STON1: variants seen among roughly 807,000 people sequenced by gnomAD.
STON1 encodes stonin 1, also known as stonin-1.
In STON1, 79 loss-of-function variants were observed where a neutral mutation model predicts 60.9. The ratio of observed to expected loss-of-function variants is 1.30; its 90% CI spans 1.08 to 1.56. STON1 has a LOEUF of 1.56. Ranked by LOEUF, STON1 falls within the 40% of genes most tolerant of loss-of-function variation. STON1 has a pLI of 0.00. For synonymous variants in STON1, 363 were observed against 306.9 expected (o/e 1.18, Z -1.91); for missense variants, 1,166 against 858.9 (o/e 1.36, Z -4.47).
chr2:48,592,144 A>G (rs979889498), intron 3 of STON1, among the ~76,000 whole-genome samples: 2 of 152,172 alleles, frequency 1.3e-5, no homozygotes, highest in Admixed American at 6.6e-5. Flanking sequence ...TGATGTTAGG[A>G]CACCATTTCT....
chr2:48,580,021 C>T (rs1673779308), intron 1 of STON1, among the ~76,000 whole-genome samples: 1 of 152,168 alleles, frequency 6.6e-6, no homozygotes, highest in Admixed American at 6.5e-5. Flanking sequence ...ATTCTCCTGA[C>T]TCAGCTACCT....
chr2:48,572,659 A>C (rs950606667), intron 1 of STON1, among the ~76,000 whole-genome samples: 1 of 152,342 alleles, frequency 6.6e-6, no homozygotes, highest in Admixed American at 6.5e-5. Context: ...TTTGGCATAC[A>C]TCAGAATCGT....
chr2:48,578,045 A>G (rs752624910), intron 1 of STON1, among the ~76,000 whole-genome samples: 2 of 152,190 alleles, frequency 1.3e-5, no homozygotes, highest in African/African-American at 4.8e-5. Context: ...CAGTGACACA[A>G]CCTTGGCTTA....
At chr2:48,570,233 C>A (rs1457265202) in intron 1 of STON1, among the ~76,000 whole-genome samples, 1 of 151,976 alleles carries the variant, frequency 6.6e-6, no homozygotes, top group African/African-American at 2.4e-5. Context: ...TACTCGGGAG[C>A]CTGAGGCAGG....
intron 1 of STON1, among the ~76,000 whole-genome samples, chr2:48,565,043 T>A (rs1672877669): frequency 8.5e-6 from 1 of 117,898 alleles, no homozygotes; most frequent in South Asian, 2.8e-4. Flanking sequence ...CTCCGGCTTC[T>A]TCTTTTTTTT....
At position 48,595,302 on chromosome 2, in the gene STON1, G is replaced by GACT. The variant is rs769886560; in HGVS notation, c.2208_*1insACT. The GACT allele has an allele frequency of 1.9e-6, 3 of 1,612,724 alleles. No homozygotes were observed. The highest frequency in any genetic ancestry group is 1.7e-6 in the Non-Finnish European group (2 of 1,179,032). On this transcript the variant is annotated 3_prime_UTR_variant, in exon 4 of 4. Transcript: ENST00000404752. ...AAATTGGTGACTGCATAACTCAGTA[G>GACT]GAGTAGCAAGAGTTTATGATGACAG...
intron 1 of STON1, among the ~76,000 whole-genome samples, chr2:48,534,411 G>T (rs1026281696): frequency 6.6e-6 from 1 of 152,164 alleles, no homozygotes; most frequent in Non-Finnish European, 1.5e-5. Context: ...ATTCAGGTCG[G>T]TGGCTAAAGT....
intron 2 of STON1, among the ~76,000 whole-genome samples, chr2:48,586,161 G>A (rs1039849238): frequency 1.2e-4 from 18 of 152,332 alleles, no homozygotes; most frequent in Middle Eastern, 3.4e-3. Context: ...GTGCAGACAC[G>A]TATGAAGCTT....
In STON1 at chr2:48,564,480, TTTCTTCTTCTTCTTCTTCTTCTTC is replaced by T. The variant is rs869188236; in HGVS notation, c.-47-16042_-47-16019del. On this transcript the variant is annotated intron_variant, in intron 1 of 3. Coordinates refer to ENST00000404752, the MANE Select transcript of STON1 (RefSeq NM_006873.4). ...CTTCTTCTTCTTCTTCTTCTTCTTC[TTTCTTCTTCTTCTTCTTCTTCTTC>T]TTCTTCTTCTTCTTCTTCTTCTTCT... 1.1e-3 allele frequency among the ~76,000 whole-genome samples: 35 copies of T among 32,470 alleles called. 1 individual carries two copies. The highest frequency in any genetic ancestry group is 1.4e-3 in the Admixed American group (5 of 3,490). 21.3% of individuals were successfully genotyped at this position (32,470 alleles called of 152,430 possible).
chr2:48,532,652 T>G (rs1185393617), intron 1 of STON1, among the ~76,000 whole-genome samples: 3 of 151,784 alleles, frequency 2.0e-5, no homozygotes, highest in Non-Finnish European at 2.9e-5. Flanking sequence ...CACTATCTCA[T>G]GAAATATTGT....
chr2:48,575,651 C>G (rs1673443125), intron 1 of STON1, among the ~76,000 whole-genome samples: 1 of 135,170 alleles, frequency 7.4e-6, no homozygotes, highest in Non-Finnish European at 1.6e-5. Context: ...AAAACTCCGT[C>G]TCAAAAATAA....
intron 1 of STON1, among the ~76,000 whole-genome samples, chr2:48,543,317 C>T (rs754586289): frequency 6.6e-6 from 1 of 151,850 alleles, no homozygotes; most frequent in East Asian, 1.9e-4. Context: ...TTATTTTGGG[C>T]GAATTTCCTG....
intron 1 of STON1, among the ~76,000 whole-genome samples, chr2:48,573,300 C>G (rs1028906712): frequency 1.3e-5 from 2 of 152,064 alleles, no homozygotes; most frequent in African/African-American, 2.4e-5. Flanking sequence ...GAATTTGAGA[C>G]CAGCCTTGGA....
chr2:48,548,143 G>T (rs1183959445), intron 1 of STON1, among the ~76,000 whole-genome samples: 1 of 152,220 alleles, frequency 6.6e-6, no homozygotes, highest in South Asian at 2.1e-4. Flanking sequence ...CCAGGATGTG[G>T]CTTGGCCAGG....
chr2:48,593,339 A>G (rs1674632130), intron 3 of STON1, among the ~76,000 whole-genome samples: 2 of 149,948 alleles, frequency 1.3e-5, no homozygotes, highest in Non-Finnish European at 1.5e-5. Context: ...CTGGTCTCGA[A>G]CTCCTGACCT....
rs1336206445 is a variant in STON1, at chr2:48,570,890, T to C, written c.-47-9697T>C. 2.3e-5 allele frequency among the ~76,000 whole-genome samples: 3 copies of C among 130,594 alleles called. No individual in the cohort carries two copies. The East Asian group carries it at 7.6e-4, about 33-fold the overall frequency. The allele number at this position is 130,594 out of a possible 152,430, so 85.7% of individuals were successfully genotyped here. ...TTTTTTTGTCTTTCCCCAGACAGAG[T>C]CTTGCACTATCCCCCAGGCTGGAGT... On this transcript the variant is annotated intron_variant, in intron 1 of 3. Coordinates refer to ENST00000404752, the MANE Select transcript of STON1 (RefSeq NM_006873.4).
In STON1 at chr2:48,596,781, C is replaced by T. The variant is rs928916852; in HGVS notation, c.*1479C>T. 1 of 152,004 alleles carries T rather than the reference C, an allele frequency of 6.6e-6. No individual in the cohort carries two copies. The highest frequency in any genetic ancestry group is 1.5e-5 in the Non-Finnish European group (1 of 68,002). The allele number at this position is 152,004 out of a possible 1,614,324, so 9.4% of individuals were successfully genotyped here. On this transcript the variant is annotated 3_prime_UTR_variant, in exon 4 of 4. Coordinates refer to ENST00000404752, the MANE Select transcript of STON1 (RefSeq NM_006873.4). ...TCAATCAGCAGATTTTATTGCTTTT[C>T]ATTATTTTACTGTAAAGGCAAAGAA...
rs141038451 is a variant in STON1 at position 48,548,802 on chromosome 2, A to G, written c.-48+18586A>G. 6.4e-3 allele frequency among the ~76,000 whole-genome samples: 969 copies of G among 151,852 alleles called. 9 individuals are homozygous for G. The highest frequency in any genetic ancestry group is 0.02 in the African/African-American group (808 of 41,422). ...GGCGTGAGCCACCATGCCCGGCCTCATTTTTCTTTTTTATCTCTTCCTTCT... is the reference window on the plus strand; with the variant it reads ...GGCGTGAGCCACCATGCCCGGCCTCGTTTTTCTTTTTTATCTCTTCCTTCT... On this transcript the variant is annotated intron_variant, in intron 1 of 3. Transcript: ENST00000404752.
intron 1 of STON1, among the ~76,000 whole-genome samples, chr2:48,563,007 G>A (rs1672672721): frequency 6.6e-6 from 1 of 152,232 alleles, no homozygotes; most frequent in Non-Finnish European, 1.5e-5. Flanking sequence ...GACTGACCTT[G>A]CCCTCTGAAG....
Sources: allele counts gnomAD v4.1 joint callset (sites outside exome capture counted in the v4.1 genomes callset), GRCh38; gene constraint gnomAD v4.1.1; transcripts MANE v1.5; gene names NCBI Gene and HGNC (gene_info 2026-07-23, HGNC 2026-07-21).